The following HSPA4 variants were observed in gnomAD, a reference collection of about 807,000 sequenced individuals.
The protein encoded by HSPA4 is heat shock 70 kDa protein 4.
HSPA4 carries 25 observed loss-of-function variants against 106.2 expected under a neutral mutation model. That is an observed-to-expected ratio of 0.24 (90% CI 0.17 to 0.33). The LOEUF (loss-of-function observed/expected upper bound fraction) is 0.33. Ranked by LOEUF, HSPA4 falls within the 10% of genes least tolerant of loss-of-function variation. The pLI is 1.00. For missense variants in HSPA4, 841 were observed against 996.0 expected, an observed-to-expected ratio of 0.84 and a Z score of 2.10; for synonymous variants, 332 against 333.6, an observed-to-expected ratio of 1.00 and a Z score of 0.05.
rs191334059 is a variant in HSPA4, at chr5:133,064,519, G to A, written c.108-461G>A. On this transcript the variant is annotated intron_variant, in intron 1 of 18. Transcript: ENST00000304858. ...AGACTCTTGGAAAAAAAAAAAAATT[G>A]AGTGCCTGGAAACTAGTTGTAGAAA... 2.2e-4 allele frequency among the ~76,000 whole-genome samples: 34 copies of A among 151,898 alleles called. 1 individual carries two copies. Among genetic ancestry groups the A allele is most frequent in the Admixed American group, 1.4e-3 (22 of 15,244 alleles).
At chr5:133,058,783 C>T (rs192937126) in intron 1 of HSPA4, among the ~76,000 whole-genome samples, 85 of 148,550 alleles carry the variant, frequency 5.7e-4, no homozygotes, top group African/African-American at 1.9e-3. Context: ...ACTTGAGCTC[C>T]GGAGTTTGGG....
chr5:133,099,604 A>G lies in HSPA4; in HGVS notation c.1989A>G (p.Gly663=). 6.2e-7 allele frequency: 1 copy of G among 1,607,138 alleles called. No individual in the cohort carries two copies. Among genetic ancestry groups the G allele is most frequent in the Non-Finnish European group, 8.5e-7 (1 of 1,174,420 alleles). Residue 663 remains glycine (G), a synonymous_variant, in exon 16 of 19, where the codon GGA becomes GGG. Transcript: ENST00000304858. ...EDTENWLYED[G]EDQPKQVYVD... ...CTGAAAATTGGTTGTATGAGGATGG[A>G]GAAGACCAGCCAAAGCAAGTTTATG...
Position 133,092,806 on chromosome 5 carries a change from G to GGTTT in HSPA4, c.1650+17_1650+18insGTTT. 2.1e-6 allele frequency: 1 copy of GGTTT among 467,634 alleles called. No individual in the cohort carries two copies. The highest frequency in any genetic ancestry group is 7.7e-5 in the East Asian group (1 of 12,930). 29.0% of individuals were successfully genotyped at this position (467,634 alleles called of 1,614,324 possible). ...GAAATGGAGGTATGCATTGGGTGGT[G>GGTTT]TTTTTTTTTTTTTTTTTTTTTTTTT... On this transcript the variant is annotated intron_variant, in intron 13 of 18. Transcript: ENST00000304858.
rs1765853384 is a variant in HSPA4, at chr5:133,106,055, A to G, written c.*1619A>G. The G allele has an allele frequency of 6.9e-6, 1 of 145,084 alleles. No homozygotes were observed. The highest frequency in any genetic ancestry group is 2.6e-5 in the African/African-American group (1 of 38,786). 9.0% of individuals were successfully genotyped at this position (145,084 alleles called of 1,614,324 possible). A position where few individuals can be genotyped will look rare whatever the true frequency, so the allele number is the denominator to read the frequency against. ...GGCTGCAGGATTAAGCCAACCCTTT[A>G]CAACTGGCCCAGACCGTAATGGCCA... On this transcript the variant is annotated 3_prime_UTR_variant, in exon 19 of 19. Coordinates refer to ENST00000304858, the MANE Select transcript of HSPA4 (RefSeq NM_002154.4).
chr5:133,097,357 G>T (rs55643445), intron 15 of HSPA4, 71 bp downstream of exon 15: 193,284 of 1,409,840 alleles, frequency 0.14, 15,009 homozygotes, highest in Non-Finnish European at 0.16. Flanking sequence ...TAGAAGGGAA[G>T]TGTGCAGCTA....
intron 17 of HSPA4, 104 bp from the exon 18 acceptor site, chr5:133,103,761 T>C (rs2126719180): frequency 1.1e-6 from 1 of 914,164 alleles, no homozygotes; most frequent in Admixed American, 2.7e-5. Context: ...GCTTTATTTT[T>C]TGAAAGATTA....
chr5:133,070,136 CAGAG>C (rs1477419210), intron 3 of HSPA4, among the ~76,000 whole-genome samples: 1 of 151,622 alleles, frequency 6.6e-6, no homozygotes, highest in Non-Finnish European at 1.5e-5. Flanking sequence ...CACGGCGCTC[CAGAG>C]AGAGAGAATG....
intron 5 of HSPA4, 110 bp from the exon 6 acceptor site, chr5:133,073,883 A>G (rs1201089495): frequency 3.2e-6 from 2 of 616,406 alleles, no homozygotes; most frequent in African/African-American, 3.8e-5. Context: ...GATTTCTAAA[A>G]CATAACACAT....
chr5:133,072,941 T>A (rs543206633), intron 4 of HSPA4, among the ~76,000 whole-genome samples: 44 of 152,284 alleles, frequency 2.9e-4, no homozygotes, highest in African/African-American at 1.1e-3. Flanking sequence ...CAAGCAGGTG[T>A]TTTCTAAGGA....
intron 2 of HSPA4, among the ~76,000 whole-genome samples, chr5:133,066,026 T>A (rs1765301733): frequency 6.6e-6 from 1 of 152,366 alleles, no homozygotes; most frequent in Non-Finnish European, 1.5e-5. Context: ...ATAGTTCATT[T>A]TCACAGTGTT....
chr5:133,089,892 G>A lies in HSPA4; in HGVS notation c.1378+197G>A, dbSNP rs543209195. Reference sequence around the variant, plus strand: ...AAAAGCTTATCTACTTGGAGAGTTCGCATAGTAGAAAGAACAAGTATGGTA... The same window carrying A: ...AAAAGCTTATCTACTTGGAGAGTTCACATAGTAGAAAGAACAAGTATGGTA... On this transcript the variant is annotated intron_variant, in intron 11 of 18. Transcript: ENST00000304858. Among the ~76,000 whole-genome samples the A allele has an allele frequency of 3.9e-5, 6 of 152,118 alleles. No homozygotes were observed. In the South Asian group the frequency reaches 6.2e-4, roughly 16 times the overall value.
intron 14 of HSPA4, among the ~76,000 whole-genome samples, 177 bp downstream of exon 14, chr5:133,096,427 A>G (rs372630296): frequency 1.2e-4 from 19 of 152,310 alleles, no homozygotes; most frequent in African/African-American, 2.9e-4. Context: ...TGTTATGTCA[A>G]TTCTTTTATG....
At chr5:133,097,316 G>T in intron 15 of HSPA4, 30 bp downstream of exon 15, 1 of 1,598,754 alleles carries the variant, frequency 6.3e-7, no homozygotes, top group Non-Finnish European at 8.6e-7. Context: ...CCTAACTACT[G>T]TGTGTCTTCT....
At chr5:133,063,376 C>A (rs898602584) in intron 1 of HSPA4, among the ~76,000 whole-genome samples, 1 of 152,046 alleles carries the variant, frequency 6.6e-6, no homozygotes, top group Non-Finnish European at 1.5e-5. Flanking sequence ...GCTTTGGCCT[C>A]CCAAAACGTT....
At chr5:133,068,505 CAGG>C (rs2126699025) in intron 3 of HSPA4, among the ~76,000 whole-genome samples, 1 of 152,048 alleles carries the variant, frequency 6.6e-6, no homozygotes, top group African/African-American at 2.4e-5. Context: ...GGCCAAGAAT[CAGG>C]AGAACAGGCT....
At chr5:133,103,033 C>T (rs1385153969) in intron 17 of HSPA4, among the ~76,000 whole-genome samples, 1 of 150,234 alleles carries the variant, frequency 6.7e-6, no homozygotes, top group Non-Finnish European at 1.5e-5. Context: ...AGGCATTAGC[C>T]ATCAGGCCCC....
rs996257677 is a variant in HSPA4 at position 133,066,572 on chromosome 5, G to A, written c.166-845G>A. Among the ~76,000 whole-genome samples, 3 of 151,982 alleles carry A rather than the reference G, an allele frequency of 2.0e-5. No individual in the cohort carries two copies. In the East Asian group the frequency reaches 5.8e-4, roughly 29 times the overall value. On this transcript the variant is annotated intron_variant, in intron 2 of 18. Coordinates refer to ENST00000304858, the MANE Select transcript of HSPA4 (RefSeq NM_002154.4). ...ATTGTATGAATAGCCCATAATTTAA[G>A]CATTTCCCTGTTATTAACCATTTAG...
chr5:133,067,333 A>T, intron 2 of HSPA4, 84 bp from the exon 3 acceptor site: 1 of 1,196,410 alleles, frequency 8.4e-7, no homozygotes, highest in Non-Finnish European at 1.2e-6. Flanking sequence ...ATAAAGTTAA[A>T]ATGTTGCTAA....
chr5:133,105,526 G>A lies in HSPA4; in HGVS notation c.*1090G>A, dbSNP rs1039195057. On this transcript the variant is annotated 3_prime_UTR_variant, in exon 19 of 19. Transcript: ENST00000304858. ...ATAACAACACCTCATTCTTAACTGT[G>A]TGGCCAATGTCAGGTATACCAAAGC... is the stretch of plus-strand genomic sequence containing the variant. 2.6e-5 allele frequency: 4 copies of A among 152,192 alleles called. No individual in the cohort carries two copies. The highest frequency in any genetic ancestry group is 7.2e-5 in the African/African-American group (3 of 41,440). The allele number at this position is 152,192 out of a possible 1,614,324, so 9.4% of individuals were successfully genotyped here. A position where few individuals can be genotyped will look rare whatever the true frequency, so the allele number is the denominator to read the frequency against.
Sources: allele counts gnomAD v4.1 joint callset (sites outside exome capture counted in the v4.1 genomes callset), GRCh38; gene constraint gnomAD v4.1.1; transcripts MANE v1.5; gene names NCBI Gene and HGNC (gene_info 2026-07-23, HGNC 2026-07-21).